The following CSGALNACT1 variants were observed in gnomAD, a reference collection of about 807,000 sequenced individuals.
CSGALNACT1 encodes chondroitin sulfate N-acetylgalactosaminyltransferase 1, also known as beta4GalNAcT-1.
Under a neutral mutation model 51.0 loss-of-function variants are expected in CSGALNACT1, and 52 were observed. The ratio of observed to expected loss-of-function variants is 1.02; its 90% CI spans 0.82 to 1.29. The LOEUF is 1.29. CSGALNACT1 is among the 50% of genes most tolerant of loss of function. CSGALNACT1 has a pLI of 0.00. For synonymous variants in CSGALNACT1, 341 were observed against 254.4 expected (o/e 1.34, Z -3.24); for missense variants, 935 against 679.2 (o/e 1.38, Z -4.19).
chr8:19,684,533 A>G (rs73216635), upstream of CSGALNACT1, among the ~76,000 whole-genome samples: 3,085 of 152,222 alleles, frequency 0.02, 50 homozygotes, highest in South Asian at 0.048. Flanking sequence ...CAGGGCTCTC[A>G]GTTCCAAAGA....
In CSGALNACT1 at chr8:19,412,505, AAAAT is replaced by A. The variant is rs1418547962; in HGVS notation, c.1228-3815_1228-3812del. Among the ~76,000 whole-genome samples the A allele has an allele frequency of 2.0e-5, 3 of 152,166 alleles. No individual in the cohort carries two copies. The East Asian group carries it at 5.8e-4, about 29-fold the overall frequency. On this transcript the variant is annotated intron_variant, in intron 8 of 9. Transcript: ENST00000454498. ...CATGAAGCAATCTGGACCCTAAAAT[AAAAT>A]AAATAGCAACTACTCAGGCAGAGCG...
At chr8:19,574,940 C>A (rs1167027093) in intron 3 of CSGALNACT1, among the ~76,000 whole-genome samples, 1 of 151,770 alleles carries the variant, frequency 6.6e-6, no homozygotes, top group Non-Finnish European at 1.5e-5. Context: ...GAGGCTGAGG[C>A]AGGAGAATCT....
intron 3 of CSGALNACT1, among the ~76,000 whole-genome samples, chr8:19,530,493 T>C (rs2082555535): frequency 1.3e-5 from 2 of 152,214 alleles, no homozygotes; most frequent in African/African-American, 4.8e-5. Flanking sequence ...ATTATAATCA[T>C]GACATGTAAA....
chr8:19,662,320 G>A (rs2058833039), intron 1 of CSGALNACT1, among the ~76,000 whole-genome samples: 1 of 151,976 alleles, frequency 6.6e-6, no homozygotes, highest in Non-Finnish European at 1.5e-5. Context: ...GGCAGAGGTT[G>A]CAGTGAGCCG....
At chr8:19,526,161 A>G (rs2081651285) in intron 3 of CSGALNACT1, among the ~76,000 whole-genome samples, 1 of 152,148 alleles carries the variant, frequency 6.6e-6, no homozygotes, top group Non-Finnish European at 1.5e-5. Flanking sequence ...CTCTCTCATG[A>G]AATCCAACTG....
intron 1 of CSGALNACT1, among the ~76,000 whole-genome samples, chr8:19,674,045 T>C (rs533177537): frequency 7.2e-4 from 109 of 152,310 alleles, no homozygotes; most frequent in African/African-American, 2.6e-3. Flanking sequence ...CCCAACACTT[T>C]GGGAGGCCAA....
intron 1 of CSGALNACT1, among the ~76,000 whole-genome samples, chr8:19,701,868 G>C (rs1967103): frequency 0.59 from 89,329 of 151,946 alleles, 26,442 homozygotes; most frequent in Middle Eastern, 0.71. Flanking sequence ...ATATCAAGTA[G>C]AACAAACTAA....
intron 4 of CSGALNACT1, among the ~76,000 whole-genome samples, chr8:19,501,115 T>G (rs1241856870): frequency 1.3e-5 from 2 of 151,396 alleles, no homozygotes; most frequent in Non-Finnish European, 2.9e-5. Flanking sequence ...CCAAGCATAG[T>G]GGCACGTGCC....
At chr8:19,441,099 C>T (rs900329255) in intron 5 of CSGALNACT1, among the ~76,000 whole-genome samples, 1 of 152,206 alleles carries the variant, frequency 6.6e-6, no homozygotes, top group African/African-American at 2.4e-5. Context: ...ACATTCCATG[C>T]TCATGGGTAG....
chr8:19,555,488 C>T (rs945703456), intron 3 of CSGALNACT1, among the ~76,000 whole-genome samples: 2 of 152,264 alleles, frequency 1.3e-5, no homozygotes, highest in South Asian at 4.1e-4. Context: ...TCACGTGCTT[C>T]CCATAGTACT....
At chr8:19,454,305 C>A (rs1184691326) in intron 5 of CSGALNACT1, among the ~76,000 whole-genome samples, 1 of 152,190 alleles carries the variant, frequency 6.6e-6, no homozygotes, top group Non-Finnish European at 1.5e-5. Flanking sequence ...ACATTAAATC[C>A]ACTTAAATCC....
At chr8:19,748,132 T>C (rs1387917966) in intron 1 of CSGALNACT1, among the ~76,000 whole-genome samples, 5 of 152,150 alleles carry the variant, frequency 3.3e-5, no homozygotes, top group Non-Finnish European at 7.3e-5. Flanking sequence ...CGTATGGAGG[T>C]CCAAGAAGAT....
intron 3 of CSGALNACT1, among the ~76,000 whole-genome samples, chr8:19,539,397 C>T (rs542280084): frequency 2.3e-4 from 35 of 152,260 alleles, no homozygotes; most frequent in African/African-American, 7.9e-4. Context: ...TTCAAGAAAG[C>T]TAAGTCCATT....
At chr8:19,463,579 T>C (rs1337934503) in intron 4 of CSGALNACT1, among the ~76,000 whole-genome samples, 2 of 152,236 alleles carry the variant, frequency 1.3e-5, no homozygotes, top group African/African-American at 2.4e-5. Flanking sequence ...AGCTGACACA[T>C]GCAAATGGCA....
intron 3 of CSGALNACT1, among the ~76,000 whole-genome samples, chr8:19,513,380 C>T (rs1227532599): frequency 3.4e-5 from 5 of 146,670 alleles, no homozygotes; most frequent in African/African-American, 1.2e-4. Context: ...ATTCCTACAC[C>T]CAGTACATTC....
intron 4 of CSGALNACT1, among the ~76,000 whole-genome samples, chr8:19,482,118 G>A (rs1285440972): frequency 2.6e-5 from 4 of 152,010 alleles, no homozygotes; most frequent in Non-Finnish European, 5.9e-5. Context: ...CACAGCTACC[G>A]CTCCTACCAT....
At chr8:19,672,259 G>A (rs2059851321) in intron 1 of CSGALNACT1, among the ~76,000 whole-genome samples, 1 of 152,136 alleles carries the variant, frequency 6.6e-6, no homozygotes, top group Admixed American at 6.6e-5. Context: ...AATACTCTAT[G>A]TATCAGAGGA....
intron 4 of CSGALNACT1, among the ~76,000 whole-genome samples, chr8:19,494,220 A>G (rs11784776): frequency 0.14 from 21,741 of 152,094 alleles, 1,934 homozygotes; most frequent in Non-Finnish European, 0.2. Flanking sequence ...CTGGTTACCT[A>G]TGGATCTCCA....
chr8:19,713,539 C>T (rs958249262), intron 1 of CSGALNACT1, among the ~76,000 whole-genome samples: 1 of 152,110 alleles, frequency 6.6e-6, no homozygotes, highest in Non-Finnish European at 1.5e-5. Flanking sequence ...GAGGCCATAC[C>T]GGAGCAAGTG....
Sources: allele counts gnomAD v4.1 joint callset (sites outside exome capture counted in the v4.1 genomes callset), GRCh38; gene constraint gnomAD v4.1.1; transcripts MANE v1.5; gene names NCBI Gene and HGNC (gene_info 2026-07-23, HGNC 2026-07-21).